The following TTC19 variants were observed in gnomAD, a reference collection of about 807,000 sequenced individuals.
The protein encoded by TTC19 is tetratricopeptide repeat protein 19, mitochondrial.
In TTC19, 38 loss-of-function variants were observed where a neutral mutation model predicts 49.5. The ratio of observed to expected loss-of-function variants is 0.77; its 90% confidence interval spans 0.59 to 1.01. The LOEUF is 1.01. Among genes scored for constraint, TTC19 ranks in the 50% least tolerant of loss-of-function variants. The pLI is 0.00. For missense variants in TTC19, 475 were observed against 477.7 expected (o/e 0.99, Z 0.05); for synonymous variants, 204 against 185.2 (o/e 1.10, Z -0.83).
At chr17:16,004,979 C>G (rs1970856202) in intron 6 of TTC19, among the ~76,000 whole-genome samples, 3 of 152,160 alleles carry the variant, frequency 2.0e-5, no homozygotes, top group South Asian at 4.1e-4. Context: ...TGAGCTTGGC[C>G]CATGCCAGGG....
At position 16,039,048 on chromosome 17, in the gene TTC19, C is replaced by T. The variant is rs143030771; in HGVS notation, c.248-5455C>T. On this transcript the variant is annotated intron_variant, in intron 2 of 2. Coordinates refer to the TTC19 transcript ENST00000470649. ...CCCCCCAAAGTGCTGGGATTACAGG[C>T]GTGAACCACCGCACCCGGCTGGCTT... 8.4e-3 allele frequency among the ~76,000 whole-genome samples: 1,281 copies of T among 152,322 alleles called. 17 individuals carry two copies. The highest frequency in any genetic ancestry group is 0.029 in the African/African-American group (1,210 of 41,562).
intron 2 of TTC19, among the ~76,000 whole-genome samples, chr17:16,038,143 T>A (rs2056802331): frequency 6.6e-6 from 1 of 152,012 alleles, no homozygotes. Flanking sequence ...TGCTTGAAGA[T>A]AACAGGAAAA....
intron 7 of TTC19, among the ~76,000 whole-genome samples, chr17:16,010,817 A>G (rs1004715523): frequency 1.3e-5 from 2 of 152,268 alleles, no homozygotes; most frequent in Non-Finnish European, 1.5e-5. Context: ...TTACCTTCAC[A>G]TTTCTCAATA....
At position 16,027,386 on chromosome 17, in the gene TTC19, A is replaced by T; in HGVS notation, c.1007A>T (p.Gln336Leu). ...AVLMHRERYT[Q>L]AKEIYQEALK... The stretch of plus-strand genomic sequence containing the variant: ...TGGGTTATTTTAGAACGATATACAC[A>T]AGCAAAAGAGATCTACCAGGAAGCA... The change falls in exon 10 of 10, where the codon CAA becomes CTA. Residue 336 changes from glutamine to leucine, a missense_variant. By Grantham distance (113) the Gln-to-Leu change is moderately radical (BLOSUM62 -2). Coordinates refer to ENST00000261647, the MANE Select transcript of TTC19 (RefSeq NM_017775.4). 1 of 1,614,052 alleles carries T rather than the reference A, an allele frequency of 6.2e-7. No individual in the cohort carries two copies. The highest frequency in any genetic ancestry group is 8.5e-7 in the Non-Finnish European group (1 of 1,179,912).
downstream of TTC19, among the ~76,000 whole-genome samples, chr17:16,032,895 G>C (rs1337147334): frequency 6.6e-6 from 1 of 152,222 alleles, no homozygotes; most frequent in African/African-American, 2.4e-5. Context: ...AACGTCTGCA[G>C]ACTGAGGGGC....
At chr17:16,024,515 C>T (rs1264039480) in intron 7 of TTC19, 1 of 151,158 alleles carries the variant, frequency 6.6e-6, no homozygotes, top group Non-Finnish European at 1.4e-5. Flanking sequence ...CCATGTTAGC[C>T]AGGATGGTCT....
intron 8 of TTC19, 42 bp downstream of exon 8, chr17:16,025,213 C>G (rs999066071): frequency 1.9e-6 from 3 of 1,594,730 alleles, no homozygotes; most frequent in African/African-American, 1.3e-5. Flanking sequence ...AAAACAAAGG[C>G]TTCAAAATTG....
intron 9 of TTC19, 40 bp from the exon 10 acceptor site, chr17:16,027,334 C>A (rs1301826286): frequency 2.5e-6 from 4 of 1,610,964 alleles, no homozygotes; most frequent in African/African-American, 1.3e-5. Flanking sequence ...TGAAAACATA[C>A]ACTTTCTTCT....
chr17:16,026,873 G>T, intron 9 of TTC19, 171 bp downstream of exon 9: 1 of 748,446 alleles, frequency 1.3e-6, no homozygotes. Context: ...AAGTACTATT[G>T]TGTTCAATTC....
intron 7 of TTC19, among the ~76,000 whole-genome samples, chr17:16,017,371 C>T (rs2151668020): frequency 6.7e-6 from 1 of 150,248 alleles, no homozygotes; most frequent in Non-Finnish European, 1.5e-5. Context: ...ATGGCACGAA[C>T]CCAGAAGCCA....
intron 7 of TTC19, among the ~76,000 whole-genome samples, chr17:16,011,113 A>G (rs1004241445): frequency 2.0e-5 from 3 of 152,242 alleles, no homozygotes; most frequent in Admixed American, 1.3e-4. Context: ...CCAGTATTCT[A>G]GAGTTCATGT....
intron 9 of TTC19, 101 bp from the exon 10 acceptor site, chr17:16,027,273 A>T (rs1054398433): frequency 1.1e-5 from 15 of 1,385,250 alleles, no homozygotes; most frequent in Non-Finnish European, 1.3e-5. Context: ...TCATAAGCAC[A>T]CAGTAAATTA....
intron 7 of TTC19, among the ~76,000 whole-genome samples, chr17:16,008,928 T>C (rs1970989079): frequency 6.6e-6 from 1 of 152,194 alleles, no homozygotes; most frequent in Non-Finnish European, 1.5e-5. Flanking sequence ...GTGTGTGTTG[T>C]GTGCTTGTGT....
chr17:16,043,818 T>C (rs1392470961), intron 2 of TTC19, among the ~76,000 whole-genome samples: 1 of 152,208 alleles, frequency 6.6e-6, no homozygotes, highest in Non-Finnish European at 1.5e-5. Context: ...CTTGAGGAGC[T>C]GTAAATAATA....
rs1970663718 is a variant in TTC19 at position 15,999,939 on chromosome 17, G to C, written c.91G>C (p.Gly31Arg). Reference protein sequence around the residue: ...CRGCSARLLPGLAGGPGPEVQ... With the variant: ...CRGCSARLLPRLAGGPGPEVQ... Reference sequence around the variant, plus strand: ...GGGCTGCTCCGCGCGCCTGCTCCCGGGGCTGGCAGGAGGTCCGGGGCCCGA... The same window carrying C: ...GGGCTGCTCCGCGCGCCTGCTCCCGCGGCTGGCAGGAGGTCCGGGGCCCGA... Residue 31 changes from glycine to arginine, a missense_variant, in exon 1 of 10, where the codon GGG becomes CGG. Gly to Arg is a moderately radical substitution (Grantham distance 125). Transcript: ENST00000261647. 2.3e-6 allele frequency: 3 copies of C among 1,332,474 alleles called. No individual in the cohort carries two copies. In the South Asian group the frequency reaches 6.0e-5, roughly 27 times the overall value. 82.5% of individuals were successfully genotyped at this position (1,332,474 alleles called of 1,614,324 possible).
chr17:16,017,688 G>A (rs137927766), intron 7 of TTC19, among the ~76,000 whole-genome samples: 6,460 of 151,006 alleles, frequency 0.043, 313 homozygotes, highest in African/African-American at 0.12. Flanking sequence ...ATGAACCTGG[G>A]AGGCGGAGGT....
chr17:16,003,931 C>CAA, intron 5 of TTC19, 44 bp downstream of exon 5: 1 of 1,599,952 alleles, frequency 6.3e-7, no homozygotes, highest in Non-Finnish European at 8.6e-7. Context: ...AAGCAGTTTT[C>CAA]AAAACAGTCT....
intron 7 of TTC19, among the ~76,000 whole-genome samples, chr17:16,021,585 T>TA (rs1293082081): frequency 6.6e-6 from 1 of 152,020 alleles, no homozygotes; most frequent in Non-Finnish European, 1.5e-5. Flanking sequence ...GCCTTGTTAG[T>TA]ATGAAACCTG....
chr17:16,001,899 T>G lies in TTC19; in HGVS notation c.313-16T>G. ...CTATATGTTTCATTTTCTATTATTT[T>G]GTCTTCCCTTTTCAGTTGAGCATTA... is the stretch of plus-strand genomic sequence containing the variant. On this transcript the variant is annotated splice_polypyrimidine_tract_variant and intron_variant, in intron 2 of 9. Transcript: ENST00000261647. 1.9e-6 allele frequency: 3 copies of G among 1,570,036 alleles called. No individual in the cohort carries two copies. Among genetic ancestry groups the G allele is most frequent in the Non-Finnish European group, 1.8e-6 (2 of 1,141,308 alleles).
Sources: gnomAD v4.1 joint callset for allele counts (sites outside exome capture counted in the v4.1 genomes callset) on GRCh38, gnomAD v4.1.1 for gene constraint, MANE v1.5 for transcripts, NCBI Gene and HGNC (gene_info 2026-07-23, HGNC 2026-07-21) for gene names.